KLHDC10: variants seen among roughly 807,000 people sequenced by gnomAD.
KLHDC10 encodes kelch domain-containing protein 10.
In KLHDC10, 24 loss-of-function variants were observed where a neutral mutation model predicts 56.1. The ratio of observed to expected loss-of-function variants is 0.43; its 90% confidence interval spans 0.31 to 0.60. KLHDC10 has a LOEUF of 0.60. KLHDC10 is among the 20% of genes least tolerant of loss of function. The pLI is 0.11. For missense variants in KLHDC10, 349 were observed against 567.0 expected (o/e 0.62, Z 3.91); for synonymous variants, 188 against 207.1 (o/e 0.91, Z 0.79).
chr7:130,098,360 G>C (rs1279009859), intron 2 of KLHDC10, among the ~76,000 whole-genome samples: 1 of 152,088 alleles, frequency 6.6e-6, no homozygotes, highest in Admixed American at 6.5e-5. Flanking sequence ...GGGCATGGTG[G>C]TACACACTTA....
At chr7:130,127,330 T>C in intron 7 of KLHDC10, 74 bp from the exon 8 acceptor site, 1 of 1,202,836 alleles carries the variant, frequency 8.3e-7, no homozygotes, top group Non-Finnish European at 1.2e-6. Flanking sequence ...TAGTGTGTCT[T>C]TCACTGTGTT....
chr7:130,131,628 AGTATGTG>A lies in KLHDC10; in HGVS notation c.*885_*891del, dbSNP rs1239514026. On this transcript the variant is annotated 3_prime_UTR_variant, in exon 10 of 10. Transcript: ENST00000335420. ...TCTTCATGGGGAATTGTAGACCCTA[AGTATGTG>A]GTGTAAATGCCATGTAACATGAACA... 2.0e-5 allele frequency: 3 copies of A among 152,190 alleles called. No homozygotes were observed. The highest frequency in any genetic ancestry group is 7.2e-5 in the African/African-American group (3 of 41,444). The allele number at this position is 152,190 out of a possible 1,614,324, so 9.4% of individuals were successfully genotyped here.
chr7:130,114,311 C>T (rs1796139749), intron 2 of KLHDC10, among the ~76,000 whole-genome samples: 1 of 152,098 alleles, frequency 6.6e-6, no homozygotes, highest in South Asian at 2.1e-4. Flanking sequence ...GCTGTGTGCC[C>T]GAGGCTTGGT....
intron 1 of KLHDC10, among the ~76,000 whole-genome samples, chr7:130,080,999 C>CT (rs966845024): frequency 0.083 from 10,977 of 131,872 alleles, 779 homozygotes; most frequent in African/African-American, 0.17. Flanking sequence ...TTTCAGTTTT[C>CT]TTTTTTTTTT....
At chr7:130,128,889 A>AAAAAT in intron 8 of KLHDC10, among the ~76,000 whole-genome samples, 59 of 66,948 alleles carry the variant, frequency 8.8e-4, no homozygotes, top group Admixed American at 1.9e-3. Flanking sequence ...AAAAAAAAAA[A>AAAAAT]ATATATATAT....
At chr7:130,087,910 G>A (rs959040689) in intron 1 of KLHDC10, among the ~76,000 whole-genome samples, 4 of 150,458 alleles carry the variant, frequency 2.7e-5, no homozygotes, top group Admixed American at 1.3e-4. Flanking sequence ...ACAGGTGCTC[G>A]CCACCACGCC....
chr7:130,074,083 C>T (rs893514450), intron 1 of KLHDC10, among the ~76,000 whole-genome samples: 1 of 152,186 alleles, frequency 6.6e-6, no homozygotes, highest in Non-Finnish European at 1.5e-5. Flanking sequence ...GGCACTGTGT[C>T]GTCTGACTCC....
rs554967830 is a variant in KLHDC10, at chr7:130,078,108, C to T, written c.166+7299C>T. On this transcript the variant is annotated intron_variant, in intron 1 of 9. Coordinates refer to ENST00000335420, the MANE Select transcript of KLHDC10 (RefSeq NM_014997.4). ...ATAGGCCTGGCGTGTTGGCTCATGCCTGTAATCCCAGCACTTTAGGAGGCT... is the reference window on the plus strand; with the variant it reads ...ATAGGCCTGGCGTGTTGGCTCATGCTTGTAATCCCAGCACTTTAGGAGGCT... Among the ~76,000 whole-genome samples the T allele has an allele frequency of 8.6e-5, 13 of 151,312 alleles. 1 individual carries two copies. The South Asian group carries it at 2.1e-3, about 24-fold the overall frequency.
chr7:130,101,540 C>G (rs1423527187), intron 2 of KLHDC10, among the ~76,000 whole-genome samples: 1 of 152,074 alleles, frequency 6.6e-6, no homozygotes, highest in African/African-American at 2.4e-5. Flanking sequence ...AGTTACTTCC[C>G]CTACTCCTTC....
At chr7:130,105,277 C>A (rs1351324470) in intron 2 of KLHDC10, among the ~76,000 whole-genome samples, 2 of 152,188 alleles carry the variant, frequency 1.3e-5, no homozygotes, top group African/African-American at 4.8e-5. Context: ...GAAATGTGAG[C>A]CCCTGTGCAC....
At chr7:130,129,605 T>A (rs768699359) in intron 9 of KLHDC10, 29 bp downstream of exon 9, 1 of 1,600,888 alleles carries the variant, frequency 6.2e-7, no homozygotes, top group Admixed American at 1.7e-5. Context: ...ATCTTCCTTA[T>A]GTAGTTACAG....
At chr7:130,113,246 G>A (rs1177062337) in intron 2 of KLHDC10, among the ~76,000 whole-genome samples, 2 of 152,084 alleles carry the variant, frequency 1.3e-5, no homozygotes, top group Non-Finnish European at 2.9e-5. Flanking sequence ...AAGCTCCCAA[G>A]GACAGAGGTA....
At chr7:130,072,360 C>G (rs564606861) in intron 1 of KLHDC10, among the ~76,000 whole-genome samples, 1 of 152,176 alleles carries the variant, frequency 6.6e-6, no homozygotes, top group Admixed American at 6.5e-5. Flanking sequence ...ATGATTTCTG[C>G]TAAGGGGCTT....
chr7:130,102,018 C>G (rs181572897), intron 2 of KLHDC10, among the ~76,000 whole-genome samples: 120 of 142,934 alleles, frequency 8.4e-4, no homozygotes, highest in East Asian at 1.4e-3. Context: ...GTGCACAAAG[C>G]AGAGCCTTAG....
chr7:130,123,712 T>A (rs59618812), intron 5 of KLHDC10, among the ~76,000 whole-genome samples: 1 of 152,142 alleles, frequency 6.6e-6, no homozygotes. Context: ...GAAGTTGGCC[T>A]CTTACTGGAA....
At chr7:130,084,189 T>G (rs1795650086) in intron 1 of KLHDC10, among the ~76,000 whole-genome samples, 1 of 152,244 alleles carries the variant, frequency 6.6e-6, no homozygotes, top group Non-Finnish European at 1.5e-5. Context: ...ATCTTTATTA[T>G]AAAATTGAAG....
intron 2 of KLHDC10, among the ~76,000 whole-genome samples, chr7:130,107,843 C>CAAAAAAAAAAAAAAAAAAA (rs3043725): frequency 2.7e-4 from 7 of 26,036 alleles, no homozygotes; most frequent in East Asian, 1.8e-3. Flanking sequence ...GACTCCGTCT[C>CAAAAAAAAAAAAAAAAAAA]AAAAAAAAAA....
In KLHDC10 at chr7:130,132,319, C is replaced by A. The variant is rs576391813; in HGVS notation, c.*1573C>A. The A allele has an allele frequency of 6.6e-6, 1 of 152,148 alleles. No homozygotes were observed. The highest frequency in any genetic ancestry group is 2.4e-5 in the African/African-American group (1 of 41,418). The allele number at this position is 152,148 out of a possible 1,614,324, so 9.4% of individuals were successfully genotyped here. A position where few individuals can be genotyped will look rare whatever the true frequency, so the allele number is the denominator to read the frequency against. ...CTAGCTTTTAAAGTTATTCTTTGTCCTTCATCTCAGAAGGGATCTCTTTAG... is the reference window on the plus strand; with the variant it reads ...CTAGCTTTTAAAGTTATTCTTTGTCATTCATCTCAGAAGGGATCTCTTTAG... On this transcript the variant is annotated 3_prime_UTR_variant, in exon 10 of 10. Coordinates refer to ENST00000335420, the MANE Select transcript of KLHDC10 (RefSeq NM_014997.4).
At chr7:130,110,198 A>C (rs1178132529) in intron 2 of KLHDC10, among the ~76,000 whole-genome samples, 1 of 152,206 alleles carries the variant, frequency 6.6e-6, no homozygotes, top group East Asian at 1.9e-4. Context: ...CTCATTGCAC[A>C]TGATGTTGAT....
Sources: allele counts gnomAD v4.1 joint callset (sites outside exome capture counted in the v4.1 genomes callset), GRCh38; gene constraint gnomAD v4.1.1; transcripts MANE v1.5; gene names NCBI Gene and HGNC (gene_info 2026-07-23, HGNC 2026-07-21).